The following EPHB1 variants were observed in gnomAD, a reference collection of about 807,000 sequenced individuals.
EPHB1 encodes EPH receptor B1, also known as ephrin type-B receptor 1.
In EPHB1, 30 loss-of-function variants were observed where a neutral mutation model predicts 94.4. The observed-to-expected ratio is 0.32, with a 90% confidence interval of 0.24 to 0.43. The LOEUF (loss-of-function observed/expected upper bound fraction) is 0.43, where lower values mean the gene tolerates loss of function less well. Among genes scored for constraint, EPHB1 ranks in the 20% least tolerant of loss-of-function variants. EPHB1 has a pLI of 1.00. For synonymous variants in EPHB1, 522 were observed against 489.1 expected (o/e 1.07, Z -0.89); for missense variants, 1,055 against 1,308.3 (o/e 0.81, Z 2.99).
intron 3 of EPHB1, among the ~76,000 whole-genome samples, chr3:135,066,723 G>A (rs1252613516): frequency 1.3e-5 from 2 of 151,922 alleles, no homozygotes; most frequent in Admixed American, 6.6e-5. Flanking sequence ...TTCTCGGTTT[G>A]GATCCATTGA....
At position 134,935,946 on chromosome 3, in the gene EPHB1, G is replaced by A. The variant is rs73226283; in HGVS notation, c.123+10066G>A. Among the ~76,000 whole-genome samples, 1,306 of 152,256 alleles carry A rather than the reference G, an allele frequency of 8.6e-3. 12 individuals carry two copies. The highest frequency in any genetic ancestry group is 0.024 in the Middle Eastern group (7 of 294). On this transcript the variant is annotated intron_variant, in intron 2 of 15. Transcript: ENST00000398015. Reference sequence around the variant, plus strand: ...TGGGACCCTGCAAGGAAGGAAGGTGGCATCTCTCCCATTTCCAAAGTTCCA... The same window carrying A: ...TGGGACCCTGCAAGGAAGGAAGGTGACATCTCTCCCATTTCCAAAGTTCCA...
intron 10 of EPHB1, among the ~76,000 whole-genome samples, chr3:135,191,728 G>A (rs975602582): frequency 1.3e-5 from 2 of 151,956 alleles, no homozygotes; most frequent in African/African-American, 2.4e-5. Context: ...CAACGCTGTG[G>A]CATGCATGGA....
chr3:134,820,970 T>C (rs191667826), intron 1 of EPHB1, among the ~76,000 whole-genome samples: 32 of 152,252 alleles, frequency 2.1e-4, no homozygotes, highest in African/African-American at 7.7e-4. Flanking sequence ...ACAGGGTGAA[T>C]TGGCAAGCTG....
At chr3:134,930,474 C>T (rs751009383) in intron 2 of EPHB1, among the ~76,000 whole-genome samples, 11 of 152,218 alleles carry the variant, frequency 7.2e-5, no homozygotes, top group African/African-American at 1.9e-4. Flanking sequence ...CTCCCACTAA[C>T]GGGCTATCCC....
intron 1 of EPHB1, among the ~76,000 whole-genome samples, chr3:134,896,169 T>C (rs773312782): frequency 6.6e-6 from 1 of 152,150 alleles, no homozygotes; most frequent in Non-Finnish European, 1.5e-5. Context: ...CTAACTAAGA[T>C]GCCACCTAGA....
chr3:135,120,247 G>T (rs556316215), intron 4 of EPHB1, among the ~76,000 whole-genome samples: 2 of 152,330 alleles, frequency 1.3e-5, no homozygotes, highest in Admixed American at 1.3e-4. Flanking sequence ...ATCCAGGCAT[G>T]AGGTATTCAA....
At chr3:135,121,686 C>G (rs368784855) in intron 4 of EPHB1, among the ~76,000 whole-genome samples, 1 of 152,014 alleles carries the variant, frequency 6.6e-6, no homozygotes, top group African/African-American at 2.4e-5. Flanking sequence ...GCACAAGGAC[C>G]CTACCTAAAG....
At chr3:134,842,316 A>G (rs1179339134) in intron 1 of EPHB1, among the ~76,000 whole-genome samples, 2 of 152,140 alleles carry the variant, frequency 1.3e-5, no homozygotes, top group Non-Finnish European at 2.9e-5. Flanking sequence ...TACCTATTCT[A>G]TAGTATTTTG....
chr3:134,884,219 G>A (rs1011686446), intron 1 of EPHB1, among the ~76,000 whole-genome samples: 8 of 152,214 alleles, frequency 5.3e-5, no homozygotes, highest in African/African-American at 1.9e-4. Flanking sequence ...TAAGGCTGGG[G>A]GAAAGCTGAG....
chr3:135,058,518 C>T (rs1303851883), intron 3 of EPHB1, among the ~76,000 whole-genome samples: 1 of 152,230 alleles, frequency 6.6e-6, no homozygotes, highest in African/African-American at 2.4e-5. Flanking sequence ...TCCACATTGT[C>T]ACTGGGTCTC....
At chr3:135,099,109 GTTATTA>G (rs58562114) in intron 3 of EPHB1, among the ~76,000 whole-genome samples, 29 of 150,316 alleles carry the variant, frequency 1.9e-4, no homozygotes, top group African/African-American at 6.9e-4. Flanking sequence ...ATTTGTTGTT[GTTATTA>G]TTATTATCAT....
chr3:135,086,792 A>G (rs1938378160), intron 3 of EPHB1, among the ~76,000 whole-genome samples: 1 of 151,846 alleles, frequency 6.6e-6, no homozygotes, highest in South Asian at 2.1e-4. Context: ...TGAGTTTTGT[A>G]TTCTTTGAGA....
intron 3 of EPHB1, among the ~76,000 whole-genome samples, chr3:135,042,903 G>A (rs112522446): frequency 3.3e-5 from 5 of 151,922 alleles, no homozygotes; most frequent in South Asian, 2.1e-4. Context: ...GTGCAGTGGC[G>A]CAATCTCGGC....
intron 3 of EPHB1, among the ~76,000 whole-genome samples, chr3:135,059,822 A>G (rs1937444039): frequency 6.6e-6 from 1 of 152,152 alleles, no homozygotes; most frequent in African/African-American, 2.4e-5. Context: ...TGCCACCACT[A>G]ATGCGTGACC....
At chr3:135,032,346 A>G (rs930339017) in intron 3 of EPHB1, among the ~76,000 whole-genome samples, 13 of 137,198 alleles carry the variant, frequency 9.5e-5, no homozygotes, top group Non-Finnish European at 1.8e-4. Context: ...ATTTGTTTTT[A>G]TATTAGCTTT....
chr3:134,928,845 G>A (rs1255441168), intron 2 of EPHB1, among the ~76,000 whole-genome samples: 2 of 151,972 alleles, frequency 1.3e-5, no homozygotes, highest in East Asian at 3.9e-4. Context: ...GAGTGGGCTG[G>A]GAGCAGGAGA....
At chr3:135,163,400 C>T (rs1941566288) in intron 7 of EPHB1, among the ~76,000 whole-genome samples, 1 of 152,092 alleles carries the variant, frequency 6.6e-6, no homozygotes, top group Non-Finnish European at 1.5e-5. Context: ...ACCGTCTGGC[C>T]CCTGTAGGAC....
chr3:135,082,792 T>G (rs2107787742), intron 3 of EPHB1, among the ~76,000 whole-genome samples: 1 of 152,360 alleles, frequency 6.6e-6, no homozygotes, highest in South Asian at 2.1e-4. Flanking sequence ...AGTCCCAAGC[T>G]TCCGCTTATT....
At chr3:134,819,029 A>G (rs375326633) in intron 1 of EPHB1, among the ~76,000 whole-genome samples, 107 of 152,316 alleles carry the variant, frequency 7.0e-4, no homozygotes, top group African/African-American at 2.5e-3. Context: ...TCTTCAGACT[A>G]TAATGCAAAG....
Sources: gnomAD v4.1 joint callset for allele counts (sites outside exome capture counted in the v4.1 genomes callset) on GRCh38, gnomAD v4.1.1 for gene constraint, MANE v1.5 for transcripts, NCBI Gene and HGNC (gene_info 2026-07-23, HGNC 2026-07-21) for gene names.